Variants in ZMAT4 observed in about 807,000 individuals in gnomAD.
The protein encoded by ZMAT4 is zinc finger matrin-type protein 4.
In ZMAT4, 17 loss-of-function variants were observed where a neutral mutation model predicts 28.7. The ratio of observed to expected loss-of-function variants is 0.59; its 90% CI spans 0.41 to 0.89. ZMAT4 has a LOEUF of 0.89. Among genes scored for constraint, ZMAT4 ranks in the 40% least tolerant of loss-of-function variants. The probability of loss-of-function intolerance (pLI) is 0.00; values close to 1 mark genes in which losing one functional copy is unlikely to be tolerated. For missense variants in ZMAT4, 240 were observed against 283.8 expected (o/e 0.85, Z 1.11); for synonymous variants, 117 against 109.2 (o/e 1.07, Z -0.44).
intron 5 of ZMAT4, among the ~76,000 whole-genome samples, chr8:40,635,425 A>T (rs1423766780): frequency 2.6e-5 from 4 of 152,058 alleles, no homozygotes; most frequent in African/African-American, 4.8e-5. Context: ...TCACACCTCA[A>T]AGTGCTGTCA....
intron 6 of ZMAT4, among the ~76,000 whole-genome samples, chr8:40,558,633 G>T (rs534561556): frequency 6.9e-4 from 105 of 152,176 alleles, no homozygotes; most frequent in African/African-American, 2.5e-3. Context: ...AAGATCATTG[G>T]CTGACATCAA....
chr8:40,628,250 T>C (rs1806446369), intron 5 of ZMAT4, among the ~76,000 whole-genome samples: 1 of 152,132 alleles, frequency 6.6e-6, no homozygotes, highest in African/African-American at 2.4e-5. Context: ...ATGTCTAGGC[T>C]AAATAAGAAA....
chr8:40,691,408 A>G (rs1410252810), intron 4 of ZMAT4, among the ~76,000 whole-genome samples: 1 of 148,268 alleles, frequency 6.7e-6, no homozygotes, highest in African/African-American at 2.4e-5. Flanking sequence ...AGACTGCAAA[A>G]AAAAAAAAAA....
In ZMAT4 at chr8:40,746,760, C is replaced by T. The variant is rs1376359708; in HGVS notation, c.192+20881G>A. On this transcript the variant is annotated intron_variant, in intron 3 of 6. Coordinates refer to ENST00000297737, the MANE Select transcript of ZMAT4 (RefSeq NM_024645.3). ...AAAACCGCACATGGTCTGGCTCCTA[C>T]CATATTGGTCATGCTAGCCTTTTCT... Among the ~76,000 whole-genome samples, 6 of 152,294 alleles carry T rather than the reference C, an allele frequency of 3.9e-5. No individual in the cohort carries two copies. In the East Asian group the frequency reaches 1.2e-3, roughly 29 times the overall value.
chr8:40,890,975 C>T (rs1188588834), intron 1 of ZMAT4, among the ~76,000 whole-genome samples: 2 of 151,816 alleles, frequency 1.3e-5, no homozygotes, highest in African/African-American at 4.8e-5. Flanking sequence ...GTGTACCCTA[C>T]ACCCAGATGC....
chr8:40,821,752 A>G (rs1223357147), intron 2 of ZMAT4, among the ~76,000 whole-genome samples: 1 of 152,198 alleles, frequency 6.6e-6, no homozygotes, highest in Non-Finnish European at 1.5e-5. Context: ...TCATTTAGAA[A>G]TATTCAGTTA....
rs3070386 is a variant in ZMAT4, at chr8:40,847,218, C to CAA, written c.-4-21540_-4-21539dup. ...GATTCCATCTAAAAAAACAAACAAA[C>CAA]AAAAAAAAAAAACTGGGGGAAATCC... On this transcript the variant is annotated intron_variant, in intron 1 of 6. Coordinates refer to ENST00000297737, the MANE Select transcript of ZMAT4 (RefSeq NM_024645.3). Among the ~76,000 whole-genome samples, 639 of 120,466 alleles carry CAA rather than the reference C, an allele frequency of 5.3e-3. 7 individuals are homozygous for CAA. Among genetic ancestry groups the CAA allele is most frequent in the African/African-American group, 5.4e-3 (174 of 32,376 alleles). 79.0% of individuals were successfully genotyped at this position (120,466 alleles called of 152,430 possible).
intron 4 of ZMAT4, among the ~76,000 whole-genome samples, chr8:40,676,649 G>T (rs1336899088): frequency 1.3e-5 from 2 of 152,084 alleles, no homozygotes; most frequent in African/African-American, 2.4e-5. Flanking sequence ...TTCAAGTAAT[G>T]CCTGTATCAT....
intron 3 of ZMAT4, among the ~76,000 whole-genome samples, chr8:40,712,513 T>C (rs1393689693): frequency 6.6e-6 from 1 of 152,230 alleles, no homozygotes; most frequent in Non-Finnish European, 1.5e-5. Context: ...AAAACACACA[T>C]TGTTTCGCCA....
At chr8:40,665,293 C>T (rs1808364254) in intron 5 of ZMAT4, among the ~76,000 whole-genome samples, 1 of 152,080 alleles carries the variant, frequency 6.6e-6, no homozygotes, top group Non-Finnish European at 1.5e-5. Context: ...TATCTTGTGG[C>T]AAATCTGTTT....
At chr8:40,745,141 T>C (rs1345693569) in intron 3 of ZMAT4, among the ~76,000 whole-genome samples, 1 of 152,014 alleles carries the variant, frequency 6.6e-6, no homozygotes, top group African/African-American at 2.4e-5. Flanking sequence ...CATCCGGATG[T>C]GGTGAGCTAG....
intron 5 of ZMAT4, among the ~76,000 whole-genome samples, chr8:40,654,197 C>T (rs1202683995): frequency 6.6e-6 from 1 of 152,166 alleles, no homozygotes; most frequent in African/African-American, 2.4e-5. Flanking sequence ...CTTCATGGCT[C>T]TCTAGCCCAG....
intron 3 of ZMAT4, among the ~76,000 whole-genome samples, chr8:40,730,333 T>C (rs1411325932): frequency 6.6e-6 from 1 of 152,192 alleles, no homozygotes; most frequent in East Asian, 1.9e-4. Context: ...GAGAACATGA[T>C]AAAAATACAT....
At chr8:40,824,421 G>T (rs1815944687) in intron 2 of ZMAT4, among the ~76,000 whole-genome samples, 1 of 152,170 alleles carries the variant, frequency 6.6e-6, no homozygotes, top group South Asian at 2.1e-4. Context: ...CTCCAGCCTG[G>T]ATGACTGAGT....
chr8:40,561,970 C>A (rs1482185601), intron 6 of ZMAT4, among the ~76,000 whole-genome samples: 5 of 152,146 alleles, frequency 3.3e-5, no homozygotes, highest in Non-Finnish European at 7.4e-5. Context: ...GAGAGACAGA[C>A]ACACACCTCC....
rs182939843 is a variant in ZMAT4 at position 40,725,274 on chromosome 8, G to A, written c.193-27873C>T. On this transcript the variant is annotated intron_variant, in intron 3 of 6. Coordinates refer to ENST00000297737, the MANE Select transcript of ZMAT4 (RefSeq NM_024645.3). ...CTGTGGGGAGTGACTGGATGAAAGAGTTAGAGGGATTCAGGTCTCCTCCAT... is the reference window on the plus strand; with the variant it reads ...CTGTGGGGAGTGACTGGATGAAAGAATTAGAGGGATTCAGGTCTCCTCCAT... 2.0e-5 allele frequency among the ~76,000 whole-genome samples: 3 copies of A among 152,284 alleles called. No homozygotes were observed. In the East Asian group the frequency reaches 5.8e-4, roughly 29 times the overall value.
intron 1 of ZMAT4, among the ~76,000 whole-genome samples, chr8:40,833,998 C>T (rs2150620259): frequency 6.6e-6 from 1 of 152,376 alleles, no homozygotes; most frequent in South Asian, 2.1e-4. Flanking sequence ...CCACTGCCTT[C>T]TCCTGCCTGG....
chr8:40,739,517 A>G (rs1054768868), intron 3 of ZMAT4, among the ~76,000 whole-genome samples: 9 of 152,120 alleles, frequency 5.9e-5, no homozygotes, highest in African/African-American at 2.2e-4. Context: ...GTAAAAGGTA[A>G]TACAGTGATC....
At chr8:40,668,849 C>A (rs1486286943) in intron 5 of ZMAT4, among the ~76,000 whole-genome samples, 2 of 151,024 alleles carry the variant, frequency 1.3e-5, no homozygotes, top group Non-Finnish European at 2.9e-5. Context: ...TTAGGAAGTA[C>A]CTTGCCAGTA....
Sources: allele counts gnomAD v4.1 joint callset (sites outside exome capture counted in the v4.1 genomes callset), GRCh38; gene constraint gnomAD v4.1.1; transcripts MANE v1.5; gene names NCBI Gene and HGNC (gene_info 2026-07-23, HGNC 2026-07-21).